Variants in MAGI1 observed in about 807,000 individuals in gnomAD.
MAGI1 encodes the protein membrane-associated guanylate kinase, WW and PDZ domain-containing protein 1.
Under a neutral mutation model 139.9 loss-of-function variants are expected in MAGI1, and 58 were observed. The observed-to-expected ratio is 0.41, with a 90% CI of 0.34 to 0.52. MAGI1 has a LOEUF of 0.52. Among genes scored for constraint, MAGI1 ranks in the 20% least tolerant of loss-of-function variants. MAGI1 has a pLI of 0.12. For synonymous variants in MAGI1, 812 were observed against 737.9 expected (o/e 1.10, Z -1.63); for missense variants, 1,874 against 1,901.6 (o/e 0.99, Z 0.27).
chr3:65,801,146 C>G (rs1043212712), intron 1 of MAGI1, among the ~76,000 whole-genome samples: 17 of 152,114 alleles, frequency 1.1e-4, no homozygotes, highest in Admixed American at 9.8e-4. Flanking sequence ...CAACACAGAT[C>G]TAATGTTTCC....
In MAGI1 at chr3:65,596,633, C is replaced by T. The variant is rs113830062; in HGVS notation, c.430+25339G>A. On this transcript the variant is annotated intron_variant, in intron 2 of 22. Transcript: ENST00000402939. ...CCAACACTGTGGACAAGACAGCTTCCTTGTACACTCCATTGCCCCCTGGTA... is the reference window on the plus strand; with the variant it reads ...CCAACACTGTGGACAAGACAGCTTCTTTGTACACTCCATTGCCCCCTGGTA... Among the ~76,000 whole-genome samples, 1,269 of 152,308 alleles carry T rather than the reference C, an allele frequency of 8.3e-3. 4 individuals carry two copies. Among genetic ancestry groups the T allele is most frequent in the Non-Finnish European group, 0.01 (689 of 68,026 alleles).
chr3:65,899,662 G>A (rs1362033287), intron 1 of MAGI1, among the ~76,000 whole-genome samples: 2 of 152,176 alleles, frequency 1.3e-5, no homozygotes, highest in Non-Finnish European at 2.9e-5. Context: ...TTTTATGCTG[G>A]AAAAATGAAT....
intron 1 of MAGI1, among the ~76,000 whole-genome samples, chr3:65,792,531 G>T (rs996052492): frequency 8.6e-5 from 13 of 151,944 alleles, no homozygotes; most frequent in Admixed American, 8.5e-4. Context: ...TAATAGAATA[G>T]CTAATAATAT....
chr3:65,610,039 C>A (rs1275236998), intron 2 of MAGI1: 1 of 19,818 alleles, frequency 5.0e-5, no homozygotes, highest in Non-Finnish European at 1.6e-4. Context: ...AAATTCAGAA[C>A]AAAACAGCAA....
intron 1 of MAGI1, among the ~76,000 whole-genome samples, chr3:65,735,801 T>C (rs2034675999): frequency 6.6e-6 from 1 of 152,164 alleles, no homozygotes; most frequent in Admixed American, 6.5e-5. Flanking sequence ...CCAATACACA[T>C]ATATTAACAT....
intron 1 of MAGI1, among the ~76,000 whole-genome samples, chr3:65,936,189 C>A (rs961967490): frequency 1.3e-5 from 2 of 152,136 alleles, no homozygotes; most frequent in African/African-American, 4.8e-5. Flanking sequence ...TCCATTAGTA[C>A]CACAGACACA....
chr3:65,439,047 T>C (rs1948049113), intron 9 of MAGI1, among the ~76,000 whole-genome samples: 1 of 152,192 alleles, frequency 6.6e-6, no homozygotes, highest in African/African-American at 2.4e-5. Flanking sequence ...TCACATATTA[T>C]ATTGATGGGA....
chr3:65,808,866 CATTA>C (rs2041040846), intron 1 of MAGI1, among the ~76,000 whole-genome samples: 1 of 152,232 alleles, frequency 6.6e-6, no homozygotes, highest in East Asian at 1.9e-4. Context: ...CTTACAAGAA[CATTA>C]ATTAACTTCT....
intron 14 of MAGI1, among the ~76,000 whole-genome samples, chr3:65,386,442 G>C (rs879590713): frequency 1.1e-4 from 16 of 151,974 alleles, no homozygotes; most frequent in Non-Finnish European, 2.2e-4. Flanking sequence ...CTTTAATTTT[G>C]GTATTTTAAG....
chr3:65,767,728 C>A (rs994686552), intron 1 of MAGI1, among the ~76,000 whole-genome samples: 32 of 152,196 alleles, frequency 2.1e-4, no homozygotes, highest in African/African-American at 7.2e-4. Context: ...GTTCCATTCA[C>A]CAAAACAAAA....
intron 1 of MAGI1, among the ~76,000 whole-genome samples, chr3:65,663,463 T>C (rs1402254718): frequency 6.6e-6 from 1 of 152,164 alleles, no homozygotes; most frequent in African/African-American, 2.4e-5. Context: ...ACAATTAACA[T>C]CTTAAAAATA....
intron 1 of MAGI1, among the ~76,000 whole-genome samples, chr3:65,876,082 A>T (rs2060105219): frequency 1.3e-5 from 2 of 151,628 alleles, no homozygotes; most frequent in Non-Finnish European, 2.9e-5. Flanking sequence ...GTTTTGCTGG[A>T]GAGTTTAGGG....
chr3:65,535,187 A>T (rs1053693342), intron 2 of MAGI1, among the ~76,000 whole-genome samples: 1 of 152,176 alleles, frequency 6.6e-6, no homozygotes, highest in African/African-American at 2.4e-5. Context: ...AGGAAGTCTG[A>T]TGATAGTGGA....
chr3:65,531,132 T>C (rs2078694096), intron 2 of MAGI1, among the ~76,000 whole-genome samples: 1 of 151,986 alleles, frequency 6.6e-6, no homozygotes, highest in Admixed American at 6.6e-5. Context: ...AAAATCTCTT[T>C]TTTTACATTA....
At position 65,381,900 on chromosome 3, in the gene MAGI1, A is replaced by G. The variant is rs763226685; in HGVS notation, c.2678T>C (p.Val893Ala). 20 of 1,613,600 alleles carry G rather than the reference A, an allele frequency of 1.2e-5. No individual in the cohort carries two copies. The highest frequency in any genetic ancestry group is 1.7e-5 in the Non-Finnish European group (20 of 1,179,766). ...ACCCGCAAAAACCACTTTACGCCGC[A>G]CCGTGAGATTGACGTGGCCTTGCTT... ...AAKQGHVNLT[V>A]RRKVVFAVPK... Residue 893 changes from valine to alanine, a missense_variant, in exon 16 of 23, where the codon GTG becomes GCG. By Grantham distance (64) the Val-to-Ala change is moderately conservative. Transcript: ENST00000402939.
intron 1 of MAGI1, among the ~76,000 whole-genome samples, chr3:65,891,885 A>AATATATAT (rs55826911): frequency 5.3e-5 from 2 of 37,552 alleles, no homozygotes; most frequent in Non-Finnish European, 1.2e-4. Context: ...CTTAAAGTAT[A>AATATATAT]ATATATATAT....
intron 2 of MAGI1, among the ~76,000 whole-genome samples, chr3:65,568,466 G>A (rs796951331): frequency 6.6e-5 from 10 of 152,198 alleles, no homozygotes; most frequent in African/African-American, 1.4e-4. Flanking sequence ...ACAGTGAGTC[G>A]GGGAGTCACT....
chr3:65,379,086 C>T (rs1384344537), intron 17 of MAGI1, 175 bp downstream of exon 17: 1 of 1,389,282 alleles, frequency 7.2e-7, no homozygotes, highest in Non-Finnish European at 9.8e-7. Context: ...TCCCAACCTT[C>T]AAAAGGGAAA....
At chr3:65,553,712 A>C (rs1396434858) in intron 2 of MAGI1, among the ~76,000 whole-genome samples, 1 of 152,088 alleles carries the variant, frequency 6.6e-6, no homozygotes, top group Non-Finnish European at 1.5e-5. Context: ...TTTTCCATGG[A>C]CTTTCTATTT....
Sources: allele counts gnomAD v4.1 joint callset (sites outside exome capture counted in the v4.1 genomes callset), GRCh38; gene constraint gnomAD v4.1.1; transcripts MANE v1.5; gene names NCBI Gene and HGNC (gene_info 2026-07-23, HGNC 2026-07-21).